GRIA4: variants seen among roughly 807,000 people sequenced by gnomAD.
The protein encoded by GRIA4 is glutamate receptor 4.
Under a neutral mutation model 104.0 loss-of-function variants are expected in GRIA4, and 34 were observed. That is an observed-to-expected ratio of 0.33 (90% CI 0.25 to 0.44). The LOEUF (loss-of-function observed/expected upper bound fraction) is 0.44. GRIA4 is among the 20% of genes least tolerant of loss of function. The probability of loss-of-function intolerance (pLI) is 1.00; values close to 1 mark genes in which losing one functional copy is unlikely to be tolerated. For synonymous variants in GRIA4, 386 were observed against 381.9 expected (o/e 1.01, Z -0.13); for missense variants, 750 against 1,096.5 (o/e 0.68, Z 4.46).
chr11:105,660,239 T>C (rs1951966914), intron 3 of GRIA4, among the ~76,000 whole-genome samples: 1 of 151,706 alleles, frequency 6.6e-6, no homozygotes, highest in South Asian at 2.1e-4. Flanking sequence ...AAAACACTGA[T>C]AATAAAATTA....
intron 3 of GRIA4, among the ~76,000 whole-genome samples, chr11:105,654,807 T>C (rs758963856): frequency 2.6e-5 from 4 of 152,122 alleles, no homozygotes; most frequent in Non-Finnish European, 5.9e-5. Context: ...AAGTAGCAAG[T>C]CTTGGTACAC....
At chr11:105,705,862 A>T (rs1375072785) in intron 3 of GRIA4, among the ~76,000 whole-genome samples, 3 of 152,214 alleles carry the variant, frequency 2.0e-5, no homozygotes, top group African/African-American at 7.2e-5. Flanking sequence ...ATAAAACTGC[A>T]TGTACATTTA....
intron 3 of GRIA4, among the ~76,000 whole-genome samples, chr11:105,740,243 T>A (rs1436981268): frequency 6.6e-6 from 1 of 152,226 alleles, no homozygotes; most frequent in Non-Finnish European, 1.5e-5. Context: ...TAGCTGCCAA[T>A]TTTCAAAAAC....
rs150813474 is a variant in GRIA4 at position 105,788,941 on chromosome 11, C to A, written c.487+35721C>A. Among the ~76,000 whole-genome samples the A allele has an allele frequency of 2.8e-3, 421 of 152,128 alleles. 5 individuals carry two copies. The highest frequency in any genetic ancestry group is 0.027 in the East Asian group (137 of 5,158). On this transcript the variant is annotated intron_variant, in intron 4 of 16. Transcript: ENST00000282499. ...TAGGCAGTGACATGAAAATCACATT[C>A]AAAAAGTTGAATAATTAATGGTGGA...
At chr11:105,634,381 A>T (rs189236586) in intron 3 of GRIA4, among the ~76,000 whole-genome samples, 53 of 148,998 alleles carry the variant, frequency 3.6e-4, no homozygotes, top group African/African-American at 1.3e-3. Flanking sequence ...AAGAAGAAAG[A>T]AGGAAAGAAG....
chr11:105,648,173 G>A (rs1017898046), intron 3 of GRIA4, among the ~76,000 whole-genome samples: 2 of 151,782 alleles, frequency 1.3e-5, no homozygotes, highest in African/African-American at 4.8e-5. Context: ...AAAAGACACT[G>A]TGGAGAGTGG....
intron 5 of GRIA4, among the ~76,000 whole-genome samples, chr11:105,871,937 C>T (rs958018702): frequency 1.3e-5 from 2 of 151,894 alleles, no homozygotes; most frequent in African/African-American, 4.8e-5. Context: ...GAAAATGATG[C>T]TAAAGCAACA....
At chr11:105,753,313 C>T (rs1940115494) in intron 4 of GRIA4, 93 bp downstream of exon 4, 2 of 1,091,298 alleles carry the variant, frequency 1.8e-6, no homozygotes, top group Admixed American at 4.0e-5. Flanking sequence ...ATTGTTTGAT[C>T]TCTAACATCA....
chr11:105,839,480 C>A (rs539182124), intron 4 of GRIA4, among the ~76,000 whole-genome samples: 3 of 141,884 alleles, frequency 2.1e-5, no homozygotes, highest in Non-Finnish European at 4.5e-5. Context: ...ATCATGTAAT[C>A]GCTATCTCAT....
At chr11:105,695,540 T>G (rs1565471291) in intron 3 of GRIA4, among the ~76,000 whole-genome samples, 1 of 151,908 alleles carries the variant, frequency 6.6e-6, no homozygotes, top group Non-Finnish European at 1.5e-5. Flanking sequence ...GGGGGGTGGT[T>G]GTCTTGCTTT....
chr11:105,807,343 G>A (rs1282188498), intron 4 of GRIA4, among the ~76,000 whole-genome samples: 1 of 151,868 alleles, frequency 6.6e-6, no homozygotes, highest in Non-Finnish European at 1.5e-5. Flanking sequence ...AGATAGCTCA[G>A]TCCTCATCTT....
At chr11:105,840,431 GTCCC>G (rs1199785586) in intron 4 of GRIA4, among the ~76,000 whole-genome samples, 1 of 152,096 alleles carries the variant, frequency 6.6e-6, no homozygotes, top group Admixed American at 6.6e-5. Context: ...TTCTGAAACC[GTCCC>G]TCAAATTTGA....
At chr11:105,941,951 C>T (rs536962446) in intron 14 of GRIA4, among the ~76,000 whole-genome samples, 1 of 152,074 alleles carries the variant, frequency 6.6e-6, no homozygotes, top group South Asian at 2.1e-4. Context: ...ATCATCAGCT[C>T]CCTAGTCCCT....
chr11:105,634,611 A>G (rs1951156558), intron 3 of GRIA4, among the ~76,000 whole-genome samples: 1 of 152,182 alleles, frequency 6.6e-6, no homozygotes, highest in Non-Finnish European at 1.5e-5. Flanking sequence ...TATTCCTATG[A>G]ATACTTTACT....
chr11:105,708,535 T>C (rs1344108397), intron 3 of GRIA4, among the ~76,000 whole-genome samples: 1 of 152,100 alleles, frequency 6.6e-6, no homozygotes, highest in African/African-American at 2.4e-5. Context: ...GGTTCATATG[T>C]TATTAGAGAA....
intron 3 of GRIA4, among the ~76,000 whole-genome samples, chr11:105,635,889 C>A (rs1402937964): frequency 6.6e-6 from 1 of 152,174 alleles, no homozygotes; most frequent in Admixed American, 6.5e-5. Flanking sequence ...ATAAGGTACT[C>A]AATGTCGTTT....
chr11:105,931,400 C>T (rs1947869387), intron 13 of GRIA4, among the ~76,000 whole-genome samples: 1 of 151,740 alleles, frequency 6.6e-6, no homozygotes, highest in African/African-American at 2.4e-5. Context: ...TGATATTTAT[C>T]AACATTTGAA....
At chr11:105,670,447 G>A (rs1000125261) in intron 3 of GRIA4, among the ~76,000 whole-genome samples, 1 of 152,082 alleles carries the variant, frequency 6.6e-6, no homozygotes, top group Non-Finnish European at 1.5e-5. Flanking sequence ...ATGCAGAAGT[G>A]TTTGTCTAAT....
intron 5 of GRIA4, among the ~76,000 whole-genome samples, chr11:105,869,790 T>C (rs988596168): frequency 6.6e-6 from 1 of 152,200 alleles, no homozygotes; most frequent in Admixed American, 6.6e-5. Flanking sequence ...AGAAAAGTAA[T>C]GGAACAAATT....
Sources: allele counts gnomAD v4.1 joint callset (sites outside exome capture counted in the v4.1 genomes callset), GRCh38; gene constraint gnomAD v4.1.1; transcripts MANE v1.5; gene names NCBI Gene and HGNC (gene_info 2026-07-23, HGNC 2026-07-21).